Variants in SNTG1 observed in about 807,000 individuals in gnomAD.
SNTG1 encodes syntrophin gamma 1, also known as gamma-1-syntrophin.
A neutral mutation model predicts 74.7 loss-of-function variants in SNTG1; 39 were observed. The observed-to-expected ratio is 0.52, with a 90% CI of 0.40 to 0.68. SNTG1 has a LOEUF of 0.68. Among genes scored for constraint, SNTG1 ranks in the 30% least tolerant of loss-of-function variants. SNTG1 has a pLI of 0.00. For missense variants in SNTG1, 685 were observed against 609.5 expected, an observed-to-expected ratio of 1.12 and a Z score of -1.30; for synonymous variants, 254 against 217.1, an observed-to-expected ratio of 1.17 and a Z score of -1.49.
rs143527781 is a variant in SNTG1 at position 50,580,170 on chromosome 8, C to T, written c.811-10709C>T. Among the ~76,000 whole-genome samples, 180 of 152,306 alleles carry T rather than the reference C, an allele frequency of 1.2e-3. 1 individual carries two copies. Among genetic ancestry groups the T allele is most frequent in the South Asian group, 7.3e-3 (35 of 4,824 alleles). On this transcript the variant is annotated intron_variant, in intron 12 of 18. Coordinates refer to ENST00000642720, the MANE Select transcript of SNTG1 (RefSeq NM_018967.5). Reference sequence around the variant, plus strand: ...TCGAACCTTAAAGTTTAACAACTGCCCTATTGGATTTTGGACTTGCATGGG... The same window carrying T: ...TCGAACCTTAAAGTTTAACAACTGCTCTATTGGATTTTGGACTTGCATGGG...
intron 2 of SNTG1, among the ~76,000 whole-genome samples, chr8:50,317,833 TG>T (rs1187109883): frequency 1.3e-5 from 2 of 152,146 alleles, no homozygotes; most frequent in South Asian, 2.1e-4. Flanking sequence ...TTGTCTGAGT[TG>T]TTTTTTTGTT....
Position 50,015,761 on chromosome 8 carries a change from T to C in SNTG1, c.-103+103530T>C, listed in dbSNP as rs72639837. Among the ~76,000 whole-genome samples the C allele has an allele frequency of 8.5e-5, 13 of 152,268 alleles. No individual in the cohort carries two copies. In the South Asian group the frequency reaches 2.7e-3, roughly 32 times the overall value. On this transcript the variant is annotated intron_variant, in intron 1 of 18. Transcript: ENST00000642720. ...ACATTGTTGCCAATGACAAGTCAGTTTGTTTATTCCTGTAGCATAAAAATC... is the reference window on the plus strand; with the variant it reads ...ACATTGTTGCCAATGACAAGTCAGTCTGTTTATTCCTGTAGCATAAAAATC...
intron 1 of SNTG1, among the ~76,000 whole-genome samples, chr8:50,061,917 A>T (rs1294335698): frequency 2.0e-5 from 3 of 152,006 alleles, no homozygotes; most frequent in Non-Finnish European, 4.4e-5. Context: ...CTATTTTTTT[A>T]AAATATGTAT....
chr8:50,497,396 A>C lies in SNTG1; in HGVS notation c.364-5382A>C, dbSNP rs147890466. On this transcript the variant is annotated intron_variant, in intron 8 of 18. Coordinates refer to ENST00000642720, the MANE Select transcript of SNTG1 (RefSeq NM_018967.5). ...TAATCCTAGATATTATCTATTGTAC[A>C]CTTAATATAGAATATGAGTACTTAG... 2.1e-3 allele frequency among the ~76,000 whole-genome samples: 326 copies of C among 152,070 alleles called. 1 individual carries two copies. The highest frequency in any genetic ancestry group is 0.014 in the Middle Eastern group (4 of 294).
chr8:50,450,459 T>C, intron 6 of SNTG1, 97 bp from the exon 7 acceptor site: 1 of 1,299,322 alleles, frequency 7.7e-7, no homozygotes. Flanking sequence ...CACTTAATTT[T>C]TATATTTGTA....
At chr8:50,023,679 A>C (rs544823005) in intron 1 of SNTG1, among the ~76,000 whole-genome samples, 1 of 152,272 alleles carries the variant, frequency 6.6e-6, no homozygotes, top group South Asian at 2.1e-4. Context: ...GGTCTTTTAC[A>C]ACAACCACCA....
chr8:50,767,857 C>T lies in SNTG1; in HGVS notation c.1395+15746C>T, dbSNP rs532106725. Among the ~76,000 whole-genome samples the T allele has an allele frequency of 7.9e-5, 12 of 152,022 alleles. No homozygotes were observed. In the South Asian group the frequency reaches 1.7e-3, roughly 21 times the overall value. ...GAGAGAAAATCCCCTGATTTCAAAA[C>T]GTGCTGTATTCTACACACATTGGTG... On this transcript the variant is annotated intron_variant, in intron 18 of 18. Transcript: ENST00000642720.
At chr8:50,453,413 T>C (rs764047001) in intron 8 of SNTG1, among the ~76,000 whole-genome samples, 2 of 152,112 alleles carry the variant, frequency 1.3e-5, no homozygotes, top group African/African-American at 4.8e-5. Flanking sequence ...TGCTGGAAGA[T>C]TGTTAAGGAA....
At position 50,611,624 on chromosome 8, in the gene SNTG1, C is replaced by T. The variant is rs182173097; in HGVS notation, c.849+20707C>T. Among the ~76,000 whole-genome samples, 12 of 152,192 alleles carry T rather than the reference C, an allele frequency of 7.9e-5. No individual in the cohort carries two copies. In the East Asian group the frequency reaches 1.9e-3, roughly 24 times the overall value. ...ATTTTGCTTTTACTACTGTGATACC[C>T]TTAATATGTTGAATAAGCCAAGTGT... On this transcript the variant is annotated intron_variant, in intron 13 of 18. Coordinates refer to ENST00000642720, the MANE Select transcript of SNTG1 (RefSeq NM_018967.5).
chr8:50,104,708 A>G (rs1421693098), intron 1 of SNTG1, among the ~76,000 whole-genome samples: 1 of 152,160 alleles, frequency 6.6e-6, no homozygotes, highest in Non-Finnish European at 1.5e-5. Context: ...TTAGTGCTAT[A>G]AATTTCCCTC....
chr8:50,402,775 A>G (rs2092823345), intron 4 of SNTG1, among the ~76,000 whole-genome samples: 1 of 152,008 alleles, frequency 6.6e-6, no homozygotes, highest in Admixed American at 6.6e-5. Context: ...CGGTCACTGA[A>G]CTCAGCGTGA....
intron 17 of SNTG1, among the ~76,000 whole-genome samples, chr8:50,735,579 A>G (rs1208851914): frequency 3.3e-5 from 5 of 152,030 alleles, no homozygotes; most frequent in Admixed American, 3.3e-4. Flanking sequence ...GAGAAAAAAG[A>G]ATGAAAAGGA....
intron 1 of SNTG1, among the ~76,000 whole-genome samples, chr8:49,994,261 T>G (rs1299116575): frequency 6.8e-6 from 1 of 146,978 alleles, no homozygotes; most frequent in Non-Finnish European, 1.5e-5. Flanking sequence ...TTCTTCTTTT[T>G]TTTTTTTTTT....
At chr8:50,706,038 T>G in intron 16 of SNTG1, among the ~76,000 whole-genome samples, 1 of 152,198 alleles carries the variant, frequency 6.6e-6, no homozygotes, top group East Asian at 1.9e-4. Flanking sequence ...TTTGAACATG[T>G]TGAACTGATT....
chr8:50,547,724 G>A (rs2094398300), intron 11 of SNTG1, among the ~76,000 whole-genome samples: 1 of 152,032 alleles, frequency 6.6e-6, no homozygotes, highest in Non-Finnish European at 1.5e-5. Context: ...TATTCTGGTA[G>A]GCTTCAGTCA....
intron 13 of SNTG1, among the ~76,000 whole-genome samples, chr8:50,636,568 C>G (rs2095040806): frequency 6.6e-6 from 1 of 152,068 alleles, no homozygotes; most frequent in Admixed American, 6.5e-5. Flanking sequence ...TGAAAATTCC[C>G]AAAGTCACTA....
At chr8:50,348,730 G>T (rs143038432) in intron 2 of SNTG1, among the ~76,000 whole-genome samples, 1 of 152,168 alleles carries the variant, frequency 6.6e-6, no homozygotes, top group Non-Finnish European at 1.5e-5. Context: ...TAATAACACT[G>T]TATAGACTTA....
intron 2 of SNTG1, among the ~76,000 whole-genome samples, chr8:50,299,361 GC>G (rs2089539614): frequency 1.3e-5 from 2 of 151,732 alleles, no homozygotes; most frequent in African/African-American, 4.8e-5. Flanking sequence ...TGTTATTGTT[GC>G]CATTGTTTTA....
intron 2 of SNTG1, among the ~76,000 whole-genome samples, chr8:50,238,338 C>CACAGCA (rs1586805511): frequency 6.6e-6 from 1 of 152,182 alleles, no homozygotes; most frequent in East Asian, 1.9e-4. Context: ...GATTAAGTCA[C>CACAGCA]ACAGCAACAG....
Sources: gnomAD v4.1 joint callset for allele counts (sites outside exome capture counted in the v4.1 genomes callset) on GRCh38, gnomAD v4.1.1 for gene constraint, MANE v1.5 for transcripts, NCBI Gene and HGNC (gene_info 2026-07-23, HGNC 2026-07-21) for gene names.